PSG9: variants seen among roughly 807,000 people sequenced by gnomAD.
PSG9 encodes pregnancy-specific beta-1-glycoprotein 9.
A neutral mutation model predicts 41.9 loss-of-function variants in PSG9; 49 were observed. The ratio of observed to expected loss-of-function variants is 1.17; its 90% CI spans 0.93 to 1.48. PSG9 has a LOEUF of 1.48. Ranked by LOEUF, PSG9 falls within the 40% of genes most tolerant of loss-of-function variation. The pLI is 0.00. For synonymous variants in PSG9, 263 were observed against 196.8 expected, an observed-to-expected ratio of 1.34 and a Z score of -2.82; for missense variants, 641 against 520.3, an observed-to-expected ratio of 1.23 and a Z score of -2.26.
At chr19:43,268,514 C>A (rs559517035) in intron 1 of PSG9, among the ~76,000 whole-genome samples, 3 of 152,272 alleles carry the variant, frequency 2.0e-5, no homozygotes, top group Admixed American at 2.0e-4. Flanking sequence ...CCTTCAGAGA[C>A]CCTGGGTCTT....
chr19:43,259,195 T>A, intron 3 of PSG9, 60 bp from the exon 4 acceptor site: 1 of 1,559,880 alleles, frequency 6.4e-7, no homozygotes, highest in Non-Finnish European at 8.6e-7. Context: ...TCCACAGGCA[T>A]ACTTCAATCA....
rs531274792 is a variant in PSG9, at chr19:43,263,066, T to C, written c.431-928A>G. ...TTAGACCAATATTTGGGAAGAAGTC[T>C]TGCAGATACTTTCTCTCATTGGACA... On this transcript the variant is annotated intron_variant, in intron 2 of 5. Coordinates refer to ENST00000270077, the MANE Select transcript of PSG9 (RefSeq NM_002784.5). Among the ~76,000 whole-genome samples the C allele has an allele frequency of 1.8e-3, 275 of 152,306 alleles. 2 individuals carry two copies. The highest frequency in any genetic ancestry group is 6.3e-3 in the African/African-American group (260 of 41,572).
At chr19:43,254,387 G>T (rs1321937778) in intron 5 of PSG9, among the ~76,000 whole-genome samples, 2 of 146,516 alleles carry the variant, frequency 1.4e-5, no homozygotes, top group Non-Finnish European at 3.0e-5. Flanking sequence ...TGGTTCCGCT[G>T]TGTGTGGCAT....
In PSG9 at chr19:43,255,476, T is replaced by A. The variant is rs145972809; in HGVS notation, c.1244-1830A>T. On this transcript the variant is annotated intron_variant, in intron 5 of 5. Transcript: ENST00000270077. The stretch of plus-strand genomic sequence containing the variant: ...AGACAAGGATGCCTGCTTTTGACAC[T>A]TTTATTCAACGTAGTATTGAAAGGT... 7.6e-3 allele frequency among the ~76,000 whole-genome samples: 1,111 copies of A among 146,514 alleles called. 151 individuals are homozygous for A. Among genetic ancestry groups the A allele is most frequent in the African/African-American group, 0.028 (1,066 of 38,626 alleles).
Position 43,267,648 on chromosome 19 carries a change from A to C in PSG9, c.430+136T>G, listed in dbSNP as rs1348932725. 3.4e-6 allele frequency: 5 copies of C among 1,449,642 alleles called. No individual in the cohort carries two copies. The East Asian group carries it at 9.1e-5, about 26-fold the overall frequency. 89.8% of individuals were successfully genotyped at this position (1,449,642 alleles called of 1,614,324 possible). On this transcript the variant is annotated intron_variant, in intron 2 of 5. Coordinates refer to ENST00000270077, the MANE Select transcript of PSG9 (RefSeq NM_002784.5). ...TTTGTCTCCTCTGTGTGTGTCCTGC[A>C]CTAAATGCCCAAACCCCAGCATGGG...
At position 43,261,018 on chromosome 19, in the gene PSG9, A is replaced by G. The variant is rs376311113; in HGVS notation, c.709+842T>C. ...CTTTCAGATTGTTCATTGTTAGTGT[A>G]TAGTCTAAAGAATGATCTAGAAAGA... On this transcript the variant is annotated intron_variant, in intron 3 of 5. Transcript: ENST00000270077. Among the ~76,000 whole-genome samples the G allele has an allele frequency of 2.6e-5, 4 of 152,248 alleles. No homozygotes were observed. The East Asian group carries it at 5.8e-4, about 22-fold the overall frequency.
intron 2 of PSG9, among the ~76,000 whole-genome samples, chr19:43,262,917 A>G (rs1350302688): frequency 6.6e-6 from 1 of 152,196 alleles, no homozygotes; most frequent in Non-Finnish European, 1.5e-5. Context: ...GCAGGTGAGG[A>G]CCATGTGGAT....
intron 2 of PSG9, among the ~76,000 whole-genome samples, chr19:43,267,141 G>C (rs1397547169): frequency 6.6e-6 from 1 of 152,108 alleles, no homozygotes; most frequent in Admixed American, 6.6e-5. Context: ...AGCCTCCCAA[G>C]GCAGTTGGCT....
rs1425472933 is a variant in PSG9, at chr19:43,255,191, A to T, written c.1244-1545T>A. 1.4e-5 allele frequency among the ~76,000 whole-genome samples: 2 copies of T among 146,188 alleles called. 1 individual carries two copies. The highest frequency in any genetic ancestry group is 3.0e-5 in the Non-Finnish European group (2 of 67,304). On this transcript the variant is annotated intron_variant, in intron 5 of 5. Transcript: ENST00000270077. The stretch of plus-strand genomic sequence containing the variant: ...AATAATGATGATGAAAGTACTATAA[A>T]TAATTGTATGCCAATAAATTGGATA...
rs1568411142 is a variant in PSG9 at position 43,258,106 on chromosome 19, A to G, written c.1243+96T>C. 1.3e-6 allele frequency: 2 copies of G among 1,590,326 alleles called. 1 individual carries two copies. Among genetic ancestry groups the G allele is most frequent in the East Asian group, 5.3e-5 (2 of 37,526 alleles). Reference sequence around the variant, plus strand: ...TGGGATTTGCTTGTGCCCATGGGACACAGGCTGGGAATAAAAATGTTTTCC... The same window carrying G: ...TGGGATTTGCTTGTGCCCATGGGACGCAGGCTGGGAATAAAAATGTTTTCC... On this transcript the variant is annotated intron_variant, in intron 5 of 5. Coordinates refer to ENST00000270077, the MANE Select transcript of PSG9 (RefSeq NM_002784.5).
Position 43,268,275 on chromosome 19 carries a change from A to T in PSG9, c.65-126T>A, listed in dbSNP as rs113305259. 6.1e-4 allele frequency: 582 copies of T among 950,816 alleles called. 1 individual carries two copies. Among genetic ancestry groups the T allele is most frequent in the Non-Finnish European group, 8.4e-4 (540 of 646,210 alleles). 58.9% of individuals were successfully genotyped at this position (950,816 alleles called of 1,614,324 possible). A position where few individuals can be genotyped will look rare whatever the true frequency, so the allele number is the denominator to read the frequency against. On this transcript the variant is annotated intron_variant, in intron 1 of 5. Transcript: ENST00000270077. ...GAAGATACACACACGCACACATACA[A>T]ACAAACACACACAAAAAACGGGCAT...
In PSG9 at chr19:43,258,984, C is replaced by T; in HGVS notation, c.861G>A (p.Lys287=). ...TGAGTATCCTGTTTTCAATGGGTCG[C>T]TTTACCCCGGGACTGACGGGGAGGC... The part of the protein sequence containing the change: ...GQSLPVSPGV[K]RPIENRILIL... The change falls in exon 4 of 6, where the codon AAG becomes AAA. Residue 287 remains lysine (K), a synonymous_variant. Coordinates refer to ENST00000270077, the MANE Select transcript of PSG9 (RefSeq NM_002784.5). 1.3e-6 allele frequency: 2 copies of T among 1,590,632 alleles called. No individual in the cohort carries two copies. Among genetic ancestry groups the T allele is most frequent in the South Asian group, 1.1e-5 (1 of 89,856 alleles).
intron 5 of PSG9, chr19:43,257,888 C>A: frequency 7.2e-7 from 1 of 1,392,630 alleles, no homozygotes; most frequent in Non-Finnish European, 9.3e-7. Context: ...TCGGTGACAG[C>A]GAGAAGCAAC....
At chr19:43,263,203 G>T (rs954980535) in intron 2 of PSG9, among the ~76,000 whole-genome samples, 5 of 152,164 alleles carry the variant, frequency 3.3e-5, no homozygotes, top group Admixed American at 1.3e-4. Flanking sequence ...GGGGAATAGG[G>T]TGTTGTTCCG....
chr19:43,257,645 C>A, intron 5 of PSG9: 1 of 1,025,526 alleles, frequency 9.8e-7, no homozygotes, highest in Non-Finnish European at 1.2e-6. Flanking sequence ...GACAGGCCAC[C>A]AGGGCCCTTT....
In PSG9 at chr19:43,254,775, T is replaced by C. The variant is rs546280645; in HGVS notation, c.1244-1129A>G. ...ATTGACTAAGAAAAAAAGAGAAAAG[T>C]TTAAAATTACTCAAATCAGAAATGA... On this transcript the variant is annotated intron_variant, in intron 5 of 5. Coordinates refer to ENST00000270077, the MANE Select transcript of PSG9 (RefSeq NM_002784.5). 1.2e-4 allele frequency among the ~76,000 whole-genome samples: 18 copies of C among 145,070 alleles called. 1 individual carries two copies. The highest frequency in any genetic ancestry group is 1.2e-3 in the Admixed American group (17 of 14,640).
rs558201450 is a variant in PSG9 at position 43,255,027 on chromosome 19, G to C, written c.1244-1381C>G. On this transcript the variant is annotated intron_variant, in intron 5 of 5. Transcript: ENST00000270077. ...AATTGCTTGAGCCCAGGAGGTTAAG[G>C]CTGCAGTGAGCCGTAATCACACCAC... 2.9e-4 allele frequency among the ~76,000 whole-genome samples: 42 copies of C among 142,692 alleles called. 3 individuals are homozygous for C. The highest frequency in any genetic ancestry group is 3.6e-3 in the Middle Eastern group (1 of 278). The allele number at this position is 142,692 out of a possible 152,430, so 93.6% of individuals were successfully genotyped here.
Position 43,267,786 on chromosome 19 carries a change from T to C in PSG9, c.428A>G (p.Tyr143Cys), listed in dbSNP as rs756257562. 2 of 1,612,720 alleles carry C rather than the reference T, an allele frequency of 1.2e-6. No homozygotes were observed. The highest frequency in any genetic ancestry group is 3.3e-5 in the Admixed American group (2 of 59,966). ...AGGGATCATGTGGAATCACTCACAG[T>C]ATAAGGTGAAGGTGAAATGTCGAAT... The part of the protein sequence containing the change: ...EEIRHFTFTL[Y>C]LETPKPYISS... The change falls in exon 2 of 6, where the codon TAC becomes TGC. Residue 143 changes from tyrosine to cysteine, a missense_variant and splice_region_variant. Transcript: ENST00000270077.
chr19:43,259,500 TC>T (rs1968609631), intron 3 of PSG9: 1 of 272,180 alleles, frequency 3.7e-6, no homozygotes, highest in African/African-American at 2.3e-5. Flanking sequence ...CTGGGCCCCT[TC>T]CAAATTCCAT....
Sources: allele counts gnomAD v4.1 joint callset (sites outside exome capture counted in the v4.1 genomes callset), GRCh38; gene constraint gnomAD v4.1.1; transcripts MANE v1.5; gene names NCBI Gene and HGNC (gene_info 2026-07-23, HGNC 2026-07-21).